The following POLR1D variants were observed in gnomAD, a reference collection of about 807,000 sequenced individuals.
POLR1D encodes DNA-directed RNA polymerases I and III subunit RPAC2.
POLR1D carries 8 observed loss-of-function variants against 10.8 expected under a neutral mutation model. That is an observed-to-expected ratio of 0.74 (90% CI 0.43 to 1.33). POLR1D has a LOEUF of 1.33. Ranked by LOEUF, POLR1D falls within the 40% of genes most tolerant of loss-of-function variation. The pLI is 0.01. For missense variants in POLR1D, 152 were observed against 161.7 expected (o/e 0.94, Z 0.32); for synonymous variants, 54 against 57.2 (o/e 0.94, Z 0.25).
exon 3 of POLR1D, chr13:27,666,135 C>T: frequency 3.3e-6 from 2 of 605,676 alleles, no homozygotes; most frequent in Non-Finnish European, 5.8e-6. Context: ...CTTGAGGAAA[C>T]AAGTGCAAAG....
At chr13:27,662,850 C>G (rs1956377743) in intron 2 of POLR1D, among the ~76,000 whole-genome samples, 2 of 152,178 alleles carry the variant, frequency 1.3e-5, no homozygotes, top group Admixed American at 6.5e-5. Context: ...TTCATTTGAT[C>G]TGCATGCAAC....
chr13:27,665,980 G>A, exon 3 of POLR1D: 3 of 1,611,194 alleles, frequency 1.9e-6, no homozygotes, highest in Non-Finnish European at 2.5e-6. Context: ...AGCCAGCCCT[G>A]CGGGCCTCCG....
chr13:27,652,715 C>A (rs1192304630), intron 2 of POLR1D, among the ~76,000 whole-genome samples: 1 of 151,884 alleles, frequency 6.6e-6, no homozygotes, highest in Non-Finnish European at 1.5e-5. Context: ...ACTAAAAATA[C>A]AAAAATTAGC....
Position 27,622,833 on chromosome 13 carries a change from A to G in POLR1D, c.27-42A>G, listed in dbSNP as rs781757131. 12 of 1,309,308 alleles carry G rather than the reference A, an allele frequency of 9.2e-6. No homozygotes were observed. The East Asian group carries it at 1.4e-4, about 16-fold the overall frequency. 81.1% of individuals were successfully genotyped at this position (1,309,308 alleles called of 1,614,324 possible). The stretch of plus-strand genomic sequence containing the variant: ...ATGAGAAAAAGCTAGTTACAAAACA[A>G]TATTCAGTATGATCTCATTTTTATA... On this transcript the variant is annotated intron_variant, in intron 1 of 1. Transcript: ENST00000302979.
intron 1 of POLR1D, among the ~76,000 whole-genome samples, chr13:27,645,573 T>C (rs1956212681): frequency 6.6e-6 from 1 of 152,156 alleles, no homozygotes; most frequent in African/African-American, 2.4e-5. Context: ...ATATCTTCAT[T>C]AGTTGTTGTT....
At chr13:27,622,066 C>T in intron 1 of POLR1D, 57 bp downstream of exon 1, 1 of 1,481,836 alleles carries the variant, frequency 6.7e-7, no homozygotes, top group Non-Finnish European at 9.3e-7. Flanking sequence ...AGCGGGTGGC[C>T]GAGGGGCACG....
chr13:27,636,290 G>T (rs758086040), intron 1 of POLR1D, among the ~76,000 whole-genome samples: 1 of 152,156 alleles, frequency 6.6e-6, no homozygotes, highest in Non-Finnish European at 1.5e-5. Context: ...TCAAAAACCA[G>T]ATATTATTTA....
intron 2 of POLR1D, among the ~76,000 whole-genome samples, chr13:27,649,827 G>A (rs1593289391): frequency 6.6e-6 from 1 of 152,210 alleles, no homozygotes; most frequent in African/African-American, 2.4e-5. Context: ...TGAAAGGAGA[G>A]CGGAATCCTT....
intron 1 of POLR1D, among the ~76,000 whole-genome samples, chr13:27,632,080 CTG>C (rs1326887814): frequency 6.6e-6 from 1 of 152,208 alleles, no homozygotes; most frequent in Non-Finnish European, 1.5e-5. Flanking sequence ...TTTGTCTTCT[CTG>C]TGTCCTCAAG....
intron 1 of POLR1D, among the ~76,000 whole-genome samples, chr13:27,644,246 G>T (rs998758612): frequency 6.6e-5 from 10 of 151,968 alleles, no homozygotes; most frequent in Non-Finnish European, 1.3e-4. Flanking sequence ...TATTTCAGTT[G>T]CCTTCAATTT....
intron 2 of POLR1D, among the ~76,000 whole-genome samples, chr13:27,660,208 T>C (rs1399804919): frequency 1.3e-5 from 2 of 152,000 alleles, no homozygotes; most frequent in African/African-American, 2.4e-5. Context: ...ACAAAATGAG[T>C]TGTAATCAAC....
intron 2 of POLR1D, among the ~76,000 whole-genome samples, chr13:27,660,442 C>A (rs1956353005): frequency 6.6e-6 from 1 of 152,176 alleles, no homozygotes; most frequent in Non-Finnish European, 1.5e-5. Context: ...TTCCATGACT[C>A]CAAGGTGTCT....
At chr13:27,649,089 A>C (rs1956245194) in intron 2 of POLR1D, among the ~76,000 whole-genome samples, 1 of 152,186 alleles carries the variant, frequency 6.6e-6, no homozygotes, top group Admixed American at 6.5e-5. Context: ...ACACCCTTCT[A>C]GGCACTACTT....
intron 1 of POLR1D, among the ~76,000 whole-genome samples, chr13:27,628,553 T>A (rs1361580161): frequency 2.6e-5 from 4 of 152,214 alleles, no homozygotes; most frequent in South Asian, 4.1e-4. Context: ...AGAATTTTTT[T>A]AAAAACCTGA....
At chr13:27,665,819 A>G (rs1352001200) in exon 3 of POLR1D, 1 of 1,614,244 alleles carries the variant, frequency 6.2e-7, no homozygotes. Context: ...CCAGGCCCAG[A>G]AAGAAGAAAA....
At position 27,621,894 on chromosome 13, in the gene POLR1D, T is replaced by A. The variant is rs1389791957; in HGVS notation, c.-90T>A. ...CTCCGCGCCTTCCGTCGGTCGGTCC[T>A]TGCTTCCTGCTTCGCCTCCGCGCCT... On this transcript the variant is annotated 5_prime_UTR_variant, in exon 1 of 2. The change creates a new upstream start codon in the 5' untranslated region. Transcript: ENST00000302979. 2 of 1,414,732 alleles carry A rather than the reference T, an allele frequency of 1.4e-6. No individual in the cohort carries two copies. The highest frequency in any genetic ancestry group is 9.8e-7 in the Non-Finnish European group (1 of 1,021,578). 87.6% of individuals were successfully genotyped at this position (1,414,732 alleles called of 1,614,324 possible). A position where few individuals can be genotyped will look rare whatever the true frequency, so the allele number is the denominator to read the frequency against.
chr13:27,629,447 A>G (rs566833344), intron 1 of POLR1D, among the ~76,000 whole-genome samples: 1 of 152,226 alleles, frequency 6.6e-6, no homozygotes, highest in African/African-American at 2.4e-5. Flanking sequence ...AATCAATGTT[A>G]GCTATTAATG....
At chr13:27,629,487 A>G (rs555965237) in intron 1 of POLR1D, among the ~76,000 whole-genome samples, 53 of 152,372 alleles carry the variant, frequency 3.5e-4, no homozygotes, top group African/African-American at 1.3e-3. Context: ...GATGTTGAGC[A>G]AGCTGGGTTG....
intron 2 of POLR1D, chr13:27,650,511 T>C (rs1220800150): frequency 6.4e-6 from 1 of 156,410 alleles, no homozygotes; most frequent in African/African-American, 2.4e-5. Context: ...TCTAAGACTC[T>C]TAGGTGTGAC....
Sources: gnomAD v4.1 joint callset for allele counts (sites outside exome capture counted in the v4.1 genomes callset) on GRCh38, gnomAD v4.1.1 for gene constraint, MANE v1.5 for transcripts, NCBI Gene and HGNC (gene_info 2026-07-23, HGNC 2026-07-21) for gene names.